Variants in SRP72 observed in about 807,000 individuals in gnomAD.
SRP72 encodes the protein signal recognition particle subunit SRP72.
In SRP72, 49 loss-of-function variants were observed where a neutral mutation model predicts 96.3. The ratio of observed to expected loss-of-function variants is 0.51; its 90% CI spans 0.40 to 0.65. The LOEUF (loss-of-function observed/expected upper bound fraction) is 0.65. SRP72 is among the 30% of genes least tolerant of loss of function. The pLI, the probability that SRP72 is intolerant of heterozygous loss-of-function variation, is 0.00. For synonymous variants in SRP72, 267 were observed against 275.2 expected (o/e 0.97, Z 0.30); for missense variants, 736 against 793.3 (o/e 0.93, Z 0.87).
chr4:56,490,305 T>C (rs1720861988), intron 13 of SRP72, 28 bp from the exon 14 acceptor site: 1 of 1,557,024 alleles, frequency 6.4e-7, no homozygotes, highest in South Asian at 1.2e-5. Flanking sequence ...AACTTGAAAC[T>C]TTTTTTTTCT....
At chr4:56,497,696 GTTC>G (rs1211859163) in intron 17 of SRP72, among the ~76,000 whole-genome samples, 4 of 151,622 alleles carry the variant, frequency 2.6e-5, no homozygotes, top group Non-Finnish European at 5.9e-5. Flanking sequence ...AGAATATTCT[GTTC>G]TTAACTTTGT....
chr4:56,478,409 C>G lies in SRP72; in HGVS notation c.673C>G (p.Leu225Val). ...DGTEEDPQAE[L>V]AIIHGQMAYI... Reference sequence around the variant, plus strand: ...GACTGAGGAAGACCCACAGGCAGAACTGGCCATCATTCATGGTCAGATGGC... The same window carrying G: ...GACTGAGGAAGACCCACAGGCAGAAGTGGCCATCATTCATGGTCAGATGGC... Residue 225 changes from leucine to valine, a missense_variant, in exon 7 of 19, where the codon CTG becomes GTG. By Grantham distance (32) the Leu-to-Val change is conservative. This residue lies in a region of SRP72 where 329 missense variants were observed against 319.0 expected (regional missense o/e 1.03). Transcript: ENST00000642900. The G allele has an allele frequency of 6.2e-7, 1 of 1,611,970 alleles. No individual in the cohort carries two copies. Among genetic ancestry groups the G allele is most frequent in the Non-Finnish European group, 8.5e-7 (1 of 1,179,462 alleles).
intron 5 of SRP72, among the ~76,000 whole-genome samples, chr4:56,475,126 A>G (rs1175530357): frequency 6.6e-6 from 1 of 151,992 alleles, no homozygotes; most frequent in Non-Finnish European, 1.5e-5. Flanking sequence ...ACTGGGGTGG[A>G]AAAAAAGGTG....
intron 15 of SRP72, 54 bp downstream of exon 15, chr4:56,490,699 T>G: frequency 7.1e-7 from 1 of 1,403,068 alleles, no homozygotes. Context: ...ATAGATCTCT[T>G]CTGATATCTG....
In SRP72 at chr4:56,485,835, A is replaced by ATGAC. The variant is rs543411506; in HGVS notation, c.1087-487_1087-484dup. Among the ~76,000 whole-genome samples, 953 of 152,250 alleles carry ATGAC rather than the reference A, an allele frequency of 6.3e-3. 18 individuals carry two copies. Among genetic ancestry groups the ATGAC allele is most frequent in the African/African-American group, 0.022 (898 of 41,534 alleles). On this transcript the variant is annotated intron_variant, in intron 10 of 18. Coordinates refer to ENST00000642900, the MANE Select transcript of SRP72 (RefSeq NM_006947.4). ...AAGCACATTTTGAGGTTGGAAATGT[A>ATGAC]TGACTGCCTCTGTACTGAACATATA...
chr4:56,468,880 G>A (rs1719856007), intron 1 of SRP72, among the ~76,000 whole-genome samples: 3 of 152,106 alleles, frequency 2.0e-5, no homozygotes, highest in African/African-American at 7.2e-5. Context: ...TTTCTTAATT[G>A]GTAGAAATTC....
intron 13 of SRP72, 122 bp from the exon 14 acceptor site, chr4:56,490,211 T>A (rs1720859198): frequency 4.2e-6 from 3 of 710,086 alleles, no homozygotes; most frequent in Non-Finnish European, 4.6e-6. Context: ...AGGCATTCAG[T>A]GAAACTTAAG....
At position 56,476,718 on chromosome 4, in the gene SRP72, T is replaced by C; in HGVS notation, c.642+16T>C. On this transcript the variant is annotated intron_variant, in intron 6 of 18. Coordinates refer to ENST00000642900, the MANE Select transcript of SRP72 (RefSeq NM_006947.4). ...AGAAGACACTGTAAGTATTCCATCA[T>C]TGTTAAACCTAAATTTTACACTTCT... 1 of 1,611,690 alleles carries C rather than the reference T, an allele frequency of 6.2e-7. No homozygotes were observed. Among genetic ancestry groups the C allele is most frequent in the Non-Finnish European group, 8.5e-7 (1 of 1,179,110 alleles).
chr4:56,489,786 A>C (rs538560357), intron 13 of SRP72, among the ~76,000 whole-genome samples: 1 of 152,298 alleles, frequency 6.6e-6, no homozygotes, highest in East Asian at 1.9e-4. Context: ...TATTTAAGAG[A>C]TCGTCTTAAA....
chr4:56,470,877 G>T (rs1044156993), intron 2 of SRP72, among the ~76,000 whole-genome samples: 2 of 149,982 alleles, frequency 1.3e-5, no homozygotes, highest in Non-Finnish European at 3.0e-5. Context: ...GCCCAGGCTG[G>T]TGGAACCTCC....
chr4:56,477,079 A>G (rs1314314954), intron 6 of SRP72: 2 of 169,568 alleles, frequency 1.2e-5, no homozygotes, highest in African/African-American at 4.8e-5. Flanking sequence ...TTTAAGTGTA[A>G]CAATATCTTA....
intron 18 of SRP72, 110 bp downstream of exon 18, chr4:56,500,805 T>A (rs1223975026): frequency 9.0e-7 from 1 of 1,110,888 alleles, no homozygotes; most frequent in African/African-American, 1.6e-5. Flanking sequence ...ATGTGATGTA[T>A]CTTTGATAAA....
chr4:56,475,289 G>T (rs1353370779), intron 5 of SRP72, among the ~76,000 whole-genome samples: 1 of 152,110 alleles, frequency 6.6e-6, no homozygotes, highest in Non-Finnish European at 1.5e-5. Flanking sequence ...GAGTGCAGTG[G>T]CTCACGCCTA....
intron 5 of SRP72, among the ~76,000 whole-genome samples, chr4:56,474,807 C>T (rs1180014778): frequency 6.6e-6 from 1 of 152,182 alleles, no homozygotes; most frequent in Non-Finnish European, 1.5e-5. Context: ...GCCTCAGCCT[C>T]CCAAGTAGCT....
At chr4:56,490,007 GTATTA>G (rs1354563272) in intron 13 of SRP72, among the ~76,000 whole-genome samples, 1 of 152,150 alleles carries the variant, frequency 6.6e-6, no homozygotes. Context: ...CTCTGGGAAA[GTATTA>G]TATTAAATTA....
At chr4:56,468,055 T>C (rs924136414) in intron 1 of SRP72, among the ~76,000 whole-genome samples, 9 of 152,252 alleles carry the variant, frequency 5.9e-5, no homozygotes, top group Admixed American at 3.9e-4. Context: ...TGTTTTCTTA[T>C]TTGACTCCTT....
chr4:56,474,164 T>C lies in SRP72; in HGVS notation c.465T>C (p.Val155=). 6.2e-7 allele frequency: 1 copy of C among 1,614,238 alleles called. No individual in the cohort carries two copies. ...GGAAAACAAACCTTTCAGCAGTTGT[T>C]GCAGCTCAAAGCAATTGGGAAAAAG... ...EERKTNLSAV[V]AAQSNWEKVV... is the part of the protein sequence containing the mutation. The change falls in exon 4 of 19, where the codon GTT becomes GTC. Residue 155 remains valine, a synonymous_variant. Transcript: ENST00000642900.
At position 56,503,601 on chromosome 4, in the gene SRP72, G is replaced by T. The variant is rs1056603323; in HGVS notation, c.*1740G>T. ...TTGTCAAATATATGGATGTGTATGT[G>T]TACATTTATAAGAACCAGTATGGAT... On this transcript the variant is annotated 3_prime_UTR_variant, in exon 19 of 19. Transcript: ENST00000642900. 4 of 152,114 alleles carry T rather than the reference G, an allele frequency of 2.6e-5. No individual in the cohort carries two copies. The highest frequency in any genetic ancestry group is 9.7e-5 in the African/African-American group (4 of 41,440). 9.4% of individuals were successfully genotyped at this position (152,114 alleles called of 1,614,324 possible). A position where few individuals can be genotyped will look rare whatever the true frequency, so the allele number is the denominator to read the frequency against.
intron 13 of SRP72, among the ~76,000 whole-genome samples, chr4:56,489,873 A>G (rs191922175): frequency 3.9e-5 from 6 of 152,324 alleles, no homozygotes; most frequent in Admixed American, 2.6e-4. Context: ...GTCTCTATCT[A>G]GTAGGAATAT....
Sources: gnomAD v4.1 joint callset for allele counts (sites outside exome capture counted in the v4.1 genomes callset) on GRCh38, gnomAD v4.1.1 for gene constraint, gnomAD v4.1.1 regional missense constraint, MANE v1.5 for transcripts, NCBI Gene and HGNC (gene_info 2026-07-23, HGNC 2026-07-21) for gene names.